Variants in CNMD observed in about 807,000 individuals in gnomAD.
CNMD encodes leukocyte cell-derived chemotaxin 1.
Under a neutral mutation model 37.5 loss-of-function variants are expected in CNMD, and 30 were observed. That is an observed-to-expected ratio of 0.80 (90% CI 0.60 to 1.09). CNMD has a LOEUF of 1.09. Ranked by LOEUF, CNMD falls within the 50% of genes least tolerant of loss-of-function variation. The pLI, the probability that CNMD is intolerant of heterozygous loss-of-function variation, is 0.00. For missense variants in CNMD, 398 were observed against 423.9 expected (o/e 0.94, Z 0.54); for synonymous variants, 167 against 148.2 (o/e 1.13, Z -0.92).
intron 3 of CNMD, among the ~76,000 whole-genome samples, chr13:52,728,752 C>T (rs1964616217): frequency 6.6e-6 from 1 of 152,172 alleles, no homozygotes; most frequent in African/African-American, 2.4e-5. Context: ...AAAGCTGATT[C>T]TACTGAATGA....
In CNMD at chr13:52,739,237, C is replaced by A; in HGVS notation, c.73-66G>T. 1 of 1,410,436 alleles carries A rather than the reference C, an allele frequency of 7.1e-7. No individual in the cohort carries two copies. Among genetic ancestry groups the A allele is most frequent in the Non-Finnish European group, 9.2e-7 (1 of 1,085,722 alleles). 87.4% of individuals were successfully genotyped at this position (1,410,436 alleles called of 1,614,324 possible). ...GCCAGCACCTGCGGCCCCCAGCGCA[C>A]CCGGGCCCCACGCGGTAGCCCCCAG... On this transcript the variant is annotated intron_variant, in intron 1 of 6. Transcript: ENST00000377962. This position sits in a 1 kb window ranked among gnomAD's most constrained non-coding sequence, Gnocchi z 5.4.
chr13:52,727,576 G>GGT (rs1182295680), intron 3 of CNMD, among the ~76,000 whole-genome samples: 1 of 151,530 alleles, frequency 6.6e-6, no homozygotes, highest in Non-Finnish European at 1.5e-5. Context: ...AAGGATCACT[G>GGT]GTATATATAT....
In CNMD at chr13:52,712,757, C is replaced by T; in HGVS notation, c.581G>A (p.Gly194Asp). Reference sequence around the variant, plus strand: ...TTTAAGCCAGAAAATAGGAAGGTCACCGCAGAGTTCTAACACCTTAGAACT... The same window carrying T: ...TTTAAGCCAGAAAATAGGAAGGTCATCGCAGAGTTCTAACACCTTAGAACT... ...FLSSKVLELCGDLPIFWLKPT... is the reference protein window; with the variant it reads ...FLSSKVLELCDDLPIFWLKPT... The change falls in exon 5 of 7, where the codon GGT (glycine) becomes GAT (aspartate). Residue 194 changes from glycine to aspartate, a missense_variant. Coordinates refer to ENST00000377962, the MANE Select transcript of CNMD (RefSeq NM_007015.3). 5 of 1,556,344 alleles carry T rather than the reference C, an allele frequency of 3.2e-6. No homozygotes were observed. The highest frequency in any genetic ancestry group is 2.6e-6 in the Non-Finnish European group (3 of 1,151,070).
At chr13:52,707,750 C>T (rs1482783933) in intron 6 of CNMD, among the ~76,000 whole-genome samples, 1 of 152,128 alleles carries the variant, frequency 6.6e-6, no homozygotes, top group Non-Finnish European at 1.5e-5. Context: ...ATAAGGGTTA[C>T]CAGCCAATCA....
In CNMD at chr13:52,739,288, G is replaced by A. The variant is rs1262885439; in HGVS notation, c.73-117C>T. The stretch of plus-strand genomic sequence containing the variant: ...GGAGTGGGGAGTCGGGCGGGAAACA[G>A]CTCGCCCGGGCTCCTACGGGTGCCC... On this transcript the variant is annotated intron_variant, in intron 1 of 6. Transcript: ENST00000377962. The surrounding 1 kb of genome is among the most constrained non-coding windows in gnomAD (Gnocchi z 5.4). 42 of 1,206,184 alleles carry A rather than the reference G, an allele frequency of 3.5e-5. No individual in the cohort carries two copies. Among genetic ancestry groups the A allele is most frequent in the Non-Finnish European group, 4.6e-5 (42 of 905,690 alleles). 74.7% of individuals were successfully genotyped at this position (1,206,184 alleles called of 1,614,324 possible).
Position 52,712,827 on chromosome 13 carries a change from T to A in CNMD, c.511A>T (p.Ile171Phe), listed in dbSNP as rs1964312869. The change falls in exon 5 of 7, where the codon ATC becomes TTC. Residue 171 changes from isoleucine to phenylalanine, a missense_variant. Transcript: ENST00000377962. ...ACAGGCTGATCTACAGCCACCCAGATAAGAGAATTTTCTTCATATTTGACT... is the reference window on the plus strand; with the variant it reads ...ACAGGCTGATCTACAGCCACCCAGAAAAGAGAATTTTCTTCATATTTGACT... ...MPVKYEENSL[I>F]WVAVDQPVKD... 3 of 1,588,692 alleles carry A rather than the reference T, an allele frequency of 1.9e-6. No homozygotes were observed. Among genetic ancestry groups the A allele is most frequent in the South Asian group, 2.4e-5 (2 of 84,620 alleles).
intron 3 of CNMD, 90 bp from the exon 4 acceptor site, chr13:52,724,200 G>A: frequency 1.1e-6 from 1 of 951,212 alleles, no homozygotes; most frequent in Non-Finnish European, 1.7e-6. Flanking sequence ...GCTGTTCCGG[G>A]TGCTAGGGAT....
chr13:52,703,563 T>G lies in CNMD; in HGVS notation c.*32A>C. ...CTTTGGTTGTCTCTTCAGCTAGTTCTTATTTTACAGCACATGATATATGAA... is the reference window on the plus strand; with the variant it reads ...CTTTGGTTGTCTCTTCAGCTAGTTCGTATTTTACAGCACATGATATATGAA... On this transcript the variant is annotated 3_prime_UTR_variant, in exon 7 of 7. Coordinates refer to ENST00000377962, the MANE Select transcript of CNMD (RefSeq NM_007015.3). 6.7e-7 allele frequency: 1 copy of G among 1,485,108 alleles called. No individual in the cohort carries two copies. The highest frequency in any genetic ancestry group is 9.4e-7 in the Non-Finnish European group (1 of 1,066,786). The allele number at this position is 1,485,108 out of a possible 1,614,324, so 92.0% of individuals were successfully genotyped here. A position where few individuals can be genotyped will look rare whatever the true frequency, so the allele number is the denominator to read the frequency against.
At chr13:52,735,298 T>C (rs4885948) in intron 2 of CNMD, among the ~76,000 whole-genome samples, 10,677 of 152,290 alleles carry the variant, frequency 0.07, 471 homozygotes, top group Admixed American at 0.12. Context: ...GGGTCAGTGA[T>C]GACTGTCAGA....
intron 6 of CNMD, among the ~76,000 whole-genome samples, chr13:52,707,610 T>G (rs975429929): frequency 1.3e-5 from 2 of 152,128 alleles, no homozygotes; most frequent in Non-Finnish European, 2.9e-5. Flanking sequence ...AGAGAATACT[T>G]CCATTCCATA....
At chr13:52,712,986 A>C (rs1329174892) in intron 4 of CNMD, 117 bp from the exon 5 acceptor site, 8 of 712,126 alleles carry the variant, frequency 1.1e-5, no homozygotes, top group Non-Finnish European at 1.8e-5. Context: ...AATTCCGAGC[A>C]TGCGTGTGTA....
chr13:52,720,798 A>C (rs971414409), intron 4 of CNMD, among the ~76,000 whole-genome samples: 5 of 152,262 alleles, frequency 3.3e-5, no homozygotes, highest in South Asian at 2.1e-4. Context: ...TCACTTGAGG[A>C]GGCAGTCTGT....
At chr13:52,703,903 T>G in intron 6 of CNMD, 93 bp from the exon 7 acceptor site, 1 of 1,084,082 alleles carries the variant, frequency 9.2e-7, no homozygotes, top group Non-Finnish European at 1.4e-6. Flanking sequence ...AATTTTTCAC[T>G]GCTACAGGAA....
chr13:52,733,413 T>C, intron 2 of CNMD, 54 bp from the exon 3 acceptor site: 1 of 1,560,036 alleles, frequency 6.4e-7, no homozygotes, highest in Non-Finnish European at 8.8e-7. Context: ...AATTCAGGGC[T>C]TATCTTTAGA....
At position 52,715,081 on chromosome 13, in the gene CNMD, CAATGCAT is replaced by C. The variant is rs147300557; in HGVS notation, c.469-2219_469-2213del. Among the ~76,000 whole-genome samples the C allele has an allele frequency of 4.5e-3, 689 of 152,208 alleles. 4 individuals carry two copies. Among genetic ancestry groups the C allele is most frequent in the African/African-American group, 0.016 (650 of 41,528 alleles). On this transcript the variant is annotated intron_variant, in intron 4 of 6. Transcript: ENST00000377962. ...CCTAAGATATTTTGATACCAGCATG[CAATGCAT>C]AATTACCACATCAGGGTAATTACTG...
At position 52,739,212 on chromosome 13, in the gene CNMD, G is replaced by T. The variant is rs1964839374; in HGVS notation, c.73-41C>A. ...GGAGAGGGACCGTCGCGTTTGTGCC[G>T]CCAGCACCTGCGGCCCCCAGCGCAC... is the stretch of plus-strand genomic sequence containing the variant. On this transcript the variant is annotated intron_variant, in intron 1 of 6. Transcript: ENST00000377962. The surrounding 1 kb of genome is among the most constrained non-coding windows in gnomAD (Gnocchi z 5.4). 2.1e-6 allele frequency: 3 copies of T among 1,435,544 alleles called. No individual in the cohort carries two copies. Among genetic ancestry groups the T allele is most frequent in the Admixed American group, 2.9e-5 (1 of 34,236 alleles). 88.9% of individuals were successfully genotyped at this position (1,435,544 alleles called of 1,614,324 possible). A position where few individuals can be genotyped will look rare whatever the true frequency, so the allele number is the denominator to read the frequency against.
chr13:52,726,298 C>T (rs1422733798), intron 3 of CNMD, among the ~76,000 whole-genome samples: 2 of 152,170 alleles, frequency 1.3e-5, no homozygotes, highest in Admixed American at 6.5e-5. Flanking sequence ...TGAAGACTAC[C>T]ATATGAAAGA....
intron 2 of CNMD, among the ~76,000 whole-genome samples, chr13:52,735,279 T>A (rs555719044): frequency 1.6e-4 from 24 of 152,280 alleles, no homozygotes; most frequent in African/African-American, 5.5e-4. Flanking sequence ...GAGCAGCCAG[T>A]GTTCATATGG....
intron 2 of CNMD, among the ~76,000 whole-genome samples, chr13:52,737,354 T>C (rs1197582834): frequency 6.6e-6 from 1 of 152,214 alleles, no homozygotes; most frequent in Non-Finnish European, 1.5e-5. Context: ...CTCCTGTCTG[T>C]ATAGGATATA....
Sources: gnomAD v4.1 joint callset for allele counts (sites outside exome capture counted in the v4.1 genomes callset) on GRCh38, gnomAD v4.1.1 for gene constraint, Gnocchi (gnomAD v3.1) non-coding constraint, MANE v1.5 for transcripts, NCBI Gene and HGNC (gene_info 2026-07-23, HGNC 2026-07-21) for gene names.